Variants in ZWILCH observed in about 807,000 individuals in gnomAD.
ZWILCH encodes the protein protein zwilch homolog.
A neutral mutation model predicts 79.9 loss-of-function variants in ZWILCH; 74 were observed. That is an observed-to-expected ratio of 0.93 (90% CI 0.77 to 1.12). ZWILCH has a LOEUF of 1.12. Ranked by LOEUF, ZWILCH falls within the 50% of genes most tolerant of loss-of-function variation. ZWILCH has a pLI of 0.00. For missense variants in ZWILCH, 694 were observed against 687.5 expected (o/e 1.01, Z -0.11); for synonymous variants, 241 against 228.2 (o/e 1.06, Z -0.51).
Position 66,537,175 on chromosome 15 carries a change from A to G in ZWILCH, c.1486A>G (p.Ile496Val), listed in dbSNP as rs549811304. 5 of 1,613,068 alleles carry G rather than the reference A, an allele frequency of 3.1e-6. No individual in the cohort carries two copies. The highest frequency in any genetic ancestry group is 1.7e-5 in the Admixed American group (1 of 59,998). ...ELLFSLTQIC[I>V]KYYKQNPLDE... ...TCCATTTTGTTTTTTCAGGATCTGC[A>G]TAAAGTATTACAAACAAAATCCTCT... The change falls in exon 16 of 19, where the codon ATA (isoleucine) becomes GTA (valine). Residue 496 changes from isoleucine (I) to valine (V), a missense_variant. By Grantham distance (29) the Ile-to-Val change is conservative. Coordinates refer to ENST00000307897, the MANE Select transcript of ZWILCH (RefSeq NM_017975.5).
At chr15:66,544,719 G>GTT (rs1555426538) in intron 17 of ZWILCH, among the ~76,000 whole-genome samples, 26 of 44,780 alleles carry the variant, frequency 5.8e-4, no homozygotes, top group Admixed American at 8.7e-4. Context: ...TTGTTTTTTT[G>GTT]GTTTTTGTGT....
rs1384400638 is a variant in ZWILCH, at chr15:66,549,615, T to G, written c.*1291T>G. On this transcript the variant is annotated 3_prime_UTR_variant, in exon 19 of 19. Transcript: ENST00000307897. ...AGGGACCTTGTTTTGTTCCTGGCTATATCTCATGACTTAAACATTCCCTGG... is the reference window on the plus strand; with the variant it reads ...AGGGACCTTGTTTTGTTCCTGGCTAGATCTCATGACTTAAACATTCCCTGG... The G allele has an allele frequency of 6.5e-6, 1 of 154,100 alleles. No individual in the cohort carries two copies. The highest frequency in any genetic ancestry group is 2.4e-5 in the African/African-American group (1 of 41,492). 9.5% of individuals were successfully genotyped at this position (154,100 alleles called of 1,614,324 possible). A position where few individuals can be genotyped will look rare whatever the true frequency, so the allele number is the denominator to read the frequency against.
intron 17 of ZWILCH, among the ~76,000 whole-genome samples, chr15:66,544,058 C>T (rs1223160109): frequency 6.6e-6 from 1 of 152,016 alleles, no homozygotes; most frequent in Non-Finnish European, 1.5e-5. Context: ...TCAGGAGTTC[C>T]AGACCCAGCC....
At chr15:66,515,227 G>A (rs539109227) in intron 3 of ZWILCH, among the ~76,000 whole-genome samples, 1 of 152,198 alleles carries the variant, frequency 6.6e-6, no homozygotes, top group Admixed American at 6.5e-5. Flanking sequence ...GGGATTACAG[G>A]CATGCGACAC....
At chr15:66,524,744 A>G (rs553408804) in intron 8 of ZWILCH, among the ~76,000 whole-genome samples, 1 of 152,078 alleles carries the variant, frequency 6.6e-6, no homozygotes, top group East Asian at 1.9e-4. Flanking sequence ...ACTATTTTTG[A>G]TACTTTTACT....
chr15:66,515,705 T>C (rs1470361778), intron 4 of ZWILCH, 61 bp downstream of exon 4: 11 of 1,216,986 alleles, frequency 9.0e-6, no homozygotes, highest in Admixed American at 1.8e-5. Context: ...AACATTCTTA[T>C]AAACGTTGGG....
At chr15:66,527,953 C>T (rs367613557) in intron 10 of ZWILCH, 41 bp downstream of exon 10, 4 of 1,523,934 alleles carry the variant, frequency 2.6e-6, no homozygotes, top group Non-Finnish European at 2.7e-6. Context: ...ACAGAAATAG[C>T]TTTTAAAATT....
intron 8 of ZWILCH, among the ~76,000 whole-genome samples, chr15:66,525,222 G>A (rs1288039516): frequency 2.7e-4 from 41 of 152,174 alleles, no homozygotes; most frequent in Non-Finnish European, 8.8e-5. Context: ...ACTATAGCTA[G>A]AAGCTGCCAC....
At chr15:66,523,023 C>T (rs1216823552) in intron 7 of ZWILCH, among the ~76,000 whole-genome samples, 2 of 151,794 alleles carry the variant, frequency 1.3e-5, no homozygotes, top group African/African-American at 4.8e-5. Context: ...GGGTTTCGCC[C>T]AGTTGGCCAG....
intron 18 of ZWILCH, 110 bp from the exon 19 acceptor site, chr15:66,548,237 TATAC>T: frequency 3.5e-6 from 1 of 286,028 alleles, no homozygotes; most frequent in East Asian, 5.8e-5. Flanking sequence ...TAATTCATAA[TATAC>T]ATTCATTATA....
At chr15:66,508,630 T>C (rs1417147277) in intron 1 of ZWILCH, 2 of 941,460 alleles carry the variant, frequency 2.1e-6, no homozygotes, top group Non-Finnish European at 2.9e-6. Context: ...TCTGTCACAG[T>C]TTTCTTTTTT....
In ZWILCH at chr15:66,549,920, T is replaced by C. The variant is rs1264980784; in HGVS notation, c.*1596T>C. The C allele has an allele frequency of 1.8e-6, 1 of 561,736 alleles. No homozygotes were observed. The highest frequency in any genetic ancestry group is 2.0e-5 in the African/African-American group (1 of 50,976). The allele number at this position is 561,736 out of a possible 1,614,324, so 34.8% of individuals were successfully genotyped here. A position where few individuals can be genotyped will look rare whatever the true frequency, so the allele number is the denominator to read the frequency against. ...ACATTGCTTCAAAGAAACCTGATTT[T>C]AATCATAAGTAGTTTTGGAAGATTG... is the stretch of plus-strand genomic sequence containing the variant. On this transcript the variant is annotated 3_prime_UTR_variant, in exon 19 of 19. Coordinates refer to ENST00000307897, the MANE Select transcript of ZWILCH (RefSeq NM_017975.5).
chr15:66,514,729 T>A (rs1035188873), intron 3 of ZWILCH, among the ~76,000 whole-genome samples: 1 of 152,194 alleles, frequency 6.6e-6, no homozygotes, highest in Non-Finnish European at 1.5e-5. Flanking sequence ...TTGTTGTTAT[T>A]ATTGGCAAGG....
At chr15:66,544,724 T>TTTTTTTTTG (rs145952622) in intron 17 of ZWILCH, among the ~76,000 whole-genome samples, 399 of 128,522 alleles carry the variant, frequency 3.1e-3, no homozygotes, top group South Asian at 0.01. Flanking sequence ...TTTTTGGTTT[T>TTTTTTTTTG]TGTGTGTGTG....
At chr15:66,516,538 T>C (rs1213980805) in intron 4 of ZWILCH, among the ~76,000 whole-genome samples, 1 of 151,970 alleles carries the variant, frequency 6.6e-6, no homozygotes, top group African/African-American at 2.4e-5. Context: ...GGCATTTTGC[T>C]CTTGTTGCCC....
At chr15:66,525,472 C>T (rs1894639011) in intron 8 of ZWILCH, among the ~76,000 whole-genome samples, 3 of 152,084 alleles carry the variant, frequency 2.0e-5, no homozygotes. Flanking sequence ...ACCTTGCTAC[C>T]CTTCCCCCCA....
intron 3 of ZWILCH, 69 bp from the exon 4 acceptor site, chr15:66,515,457 A>G (rs1192519164): frequency 3.3e-6 from 3 of 914,056 alleles, no homozygotes; most frequent in South Asian, 1.5e-5. Context: ...ATTCTGTAGC[A>G]TAGTAAAGAG....
At chr15:66,515,431 T>G in intron 3 of ZWILCH, 95 bp from the exon 4 acceptor site, 1 of 783,586 alleles carries the variant, frequency 1.3e-6, no homozygotes. Context: ...AAGTACATTA[T>G]GTTCTACTTG....
At chr15:66,535,838 C>A in intron 14 of ZWILCH, 95 bp from the exon 15 acceptor site, 2 of 1,022,684 alleles carry the variant, frequency 2.0e-6, no homozygotes, top group Non-Finnish European at 2.7e-6. Flanking sequence ...TGTTATCAAG[C>A]ATCCAAATGT....
Sources: gnomAD v4.1 joint callset for allele counts (sites outside exome capture counted in the v4.1 genomes callset) on GRCh38, gnomAD v4.1.1 for gene constraint, MANE v1.5 for transcripts, NCBI Gene and HGNC (gene_info 2026-07-23, HGNC 2026-07-21) for gene names.